Variants in PRR16 observed in about 807,000 individuals in gnomAD.
PRR16 encodes the protein proline rich 16, also known as protein Largen.
In PRR16, 6 loss-of-function variants were observed where a neutral mutation model predicts 18.2. That is an observed-to-expected ratio of 0.33 (90% CI 0.18 to 0.65). PRR16 has a LOEUF of 0.65. PRR16 is among the 30% of genes least tolerant of loss of function. The pLI is 0.74. For synonymous variants in PRR16, 151 were observed against 147.8 expected, an observed-to-expected ratio of 1.02 and a Z score of -0.16; for missense variants, 412 against 376.6, an observed-to-expected ratio of 1.09 and a Z score of -0.78.
intron 1 of PRR16, among the ~76,000 whole-genome samples, chr5:120,499,459 G>A (rs1750374565): frequency 6.6e-6 from 1 of 152,082 alleles, no homozygotes; most frequent in African/African-American, 2.4e-5. Context: ...GTTTCTCTCT[G>A]TTGTTCACAT....
At chr5:120,576,695 T>G (rs1753089925) in intron 1 of PRR16, among the ~76,000 whole-genome samples, 1 of 152,126 alleles carries the variant, frequency 6.6e-6, no homozygotes, top group African/African-American at 2.4e-5. Context: ...TAGGACAGTT[T>G]GAGACCCAAA....
chr5:120,589,077 G>A (rs892414729), intron 1 of PRR16, among the ~76,000 whole-genome samples: 1 of 151,910 alleles, frequency 6.6e-6, no homozygotes, highest in Non-Finnish European at 1.5e-5. Context: ...AAGTAGAGAT[G>A]ATAATAAAAC....
intron 1 of PRR16, among the ~76,000 whole-genome samples, chr5:120,619,024 C>G (rs762997919): frequency 6.6e-6 from 1 of 152,056 alleles, no homozygotes; most frequent in Non-Finnish European, 1.5e-5. Flanking sequence ...TCTTGATGGT[C>G]TATAAACAGA....
intron 1 of PRR16, among the ~76,000 whole-genome samples, chr5:120,540,130 G>GTGTTT (rs1416597017): frequency 2.7e-4 from 41 of 152,278 alleles, no homozygotes; most frequent in Admixed American, 2.6e-4. Flanking sequence ...AGCAGTAACA[G>GTGTTT]TGTTTTGTTT....
At chr5:120,624,911 TA>T (rs1754812706) in intron 1 of PRR16, among the ~76,000 whole-genome samples, 1 of 152,082 alleles carries the variant, frequency 6.6e-6, no homozygotes, top group Non-Finnish European at 1.5e-5. Flanking sequence ...CTGATGGTTT[TA>T]AAAAGGAGAG....
chr5:120,563,005 T>C lies in PRR16; in HGVS notation c.159+98360T>C, dbSNP rs375399285. Among the ~76,000 whole-genome samples the C allele has an allele frequency of 1.4e-4, 21 of 152,336 alleles. No individual in the cohort carries two copies. The East Asian group carries it at 3.7e-3, about 27-fold the overall frequency. ...ACTTCAAATGATTTTCTATTGCTAT[T>C]AACATCCCTTTCTTTTAGATTGAAG... On this transcript the variant is annotated intron_variant, in intron 1 of 1. Transcript: ENST00000407149.
intron 1 of PRR16, among the ~76,000 whole-genome samples, chr5:120,538,109 A>C (rs1220898339): frequency 6.6e-6 from 1 of 152,216 alleles, no homozygotes; most frequent in East Asian, 1.9e-4. Flanking sequence ...ATTAGAAGAT[A>C]CTTTGAAACA....
chr5:120,469,049 A>G (rs1360667111), intron 1 of PRR16, among the ~76,000 whole-genome samples: 1 of 152,242 alleles, frequency 6.6e-6, no homozygotes, highest in Non-Finnish European at 1.5e-5. Flanking sequence ...AAGCACCCAT[A>G]ATTTGTCTTA....
At chr5:120,617,805 C>G (rs10042936) in intron 1 of PRR16, among the ~76,000 whole-genome samples, 8,886 of 152,200 alleles carry the variant, frequency 0.058, 323 homozygotes, top group South Asian at 0.086. Context: ...ATAACATAAT[C>G]TTGGTTATGC....
chr5:120,601,447 T>G (rs1580773827), intron 1 of PRR16, among the ~76,000 whole-genome samples: 1 of 152,106 alleles, frequency 6.6e-6, no homozygotes, highest in Non-Finnish European at 1.5e-5. Context: ...TTGAAATTTC[T>G]TGTAGATGTT....
intron 1 of PRR16, among the ~76,000 whole-genome samples, chr5:120,600,661 T>A (rs1009395378): frequency 5.9e-5 from 9 of 151,928 alleles, no homozygotes; most frequent in African/African-American, 2.2e-4. Flanking sequence ...ATGTACAAAT[T>A]ATTTCATCAC....
the PRR16 span, among the ~76,000 whole-genome samples, chr5:120,701,131 G>T: frequency 6.6e-6 from 1 of 152,322 alleles, no homozygotes; most frequent in South Asian, 2.1e-4. Flanking sequence ...TTGTGTGCTG[G>T]AGATGTGGCT....
chr5:120,711,138 A>T, the PRR16 span, among the ~76,000 whole-genome samples: 1,654 of 152,094 alleles, frequency 0.011, 40 homozygotes, highest in African/African-American at 0.037. Context: ...ATGCAGAAAA[A>T]TTTTTTCCCA....
At chr5:120,706,793 G>T in the PRR16 span, among the ~76,000 whole-genome samples, 1 of 152,166 alleles carries the variant, frequency 6.6e-6, no homozygotes, top group African/African-American at 2.4e-5. Flanking sequence ...TAAGGAGAAA[G>T]ATCGAATTCA....
At chr5:120,571,730 T>G (rs1033588640) in intron 1 of PRR16, among the ~76,000 whole-genome samples, 2 of 152,146 alleles carry the variant, frequency 1.3e-5, no homozygotes, top group African/African-American at 2.4e-5. Flanking sequence ...ACTCCAAAAC[T>G]TAGTGGCTTA....
At chr5:120,788,560 TAG>T in the PRR16 span, among the ~76,000 whole-genome samples, 1 of 152,036 alleles carries the variant, frequency 6.6e-6, no homozygotes, top group Non-Finnish European at 1.5e-5. Context: ...TTTACATACA[TAG>T]AGACTTATAT....
the PRR16 span, among the ~76,000 whole-genome samples, chr5:120,786,088 G>GT: frequency 0.31 from 42,868 of 136,610 alleles, 7,740 homozygotes; most frequent in Non-Finnish European, 0.43. Flanking sequence ...GAAAGCTTTT[G>GT]TTTTTTTTTT....
the PRR16 span, among the ~76,000 whole-genome samples, chr5:120,783,649 A>C: frequency 6.6e-6 from 1 of 152,168 alleles, no homozygotes; most frequent in Non-Finnish European, 1.5e-5. Flanking sequence ...AGAAGTGTAC[A>C]ATGTATTATG....
the PRR16 span, among the ~76,000 whole-genome samples, chr5:120,788,717 TG>T: frequency 1.3e-5 from 2 of 152,144 alleles, no homozygotes; most frequent in Non-Finnish European, 2.9e-5. Flanking sequence ...GATGAAAGAT[TG>T]TTTTTTACTA....
Sources: gnomAD v4.1 joint callset for allele counts (sites outside exome capture counted in the v4.1 genomes callset) on GRCh38, gnomAD v4.1.1 for gene constraint, MANE v1.5 for transcripts, NCBI Gene and HGNC (gene_info 2026-07-23, HGNC 2026-07-21) for gene names.